Variants in FBXW7 observed in about 807,000 individuals in gnomAD.
The protein encoded by FBXW7 is F-box/WD repeat-containing protein 7.
In FBXW7, 11 loss-of-function variants were observed where a neutral mutation model predicts 86.3. The observed-to-expected ratio is 0.13, with a 90% CI of 0.08 to 0.21. The LOEUF (loss-of-function observed/expected upper bound fraction) is 0.21, where lower values mean the gene tolerates loss of function less well. FBXW7 is among the 10% of genes least tolerant of loss of function. The pLI, the probability that FBXW7 is intolerant of heterozygous loss-of-function variation, is 1.00. For synonymous variants in FBXW7, 313 were observed against 297.9 expected (o/e 1.05, Z -0.52); for missense variants, 488 against 847.4 (o/e 0.58, Z 5.27).
At chr4:152,443,188 G>C (rs1308845487) in intron 2 of FBXW7, among the ~76,000 whole-genome samples, 2 of 152,158 alleles carry the variant, frequency 1.3e-5, no homozygotes, top group Non-Finnish European at 2.9e-5. Flanking sequence ...CTTGAACCCG[G>C]GAGGCGGAGG....
rs975903720 is a variant in FBXW7, at chr4:152,535,402, G to A, written c.-488C>T. The A allele has an allele frequency of 3.1e-5, 12 of 386,592 alleles. No individual in the cohort carries two copies. The highest frequency in any genetic ancestry group is 1.8e-4 in the East Asian group (5 of 27,406). The allele number at this position is 386,592 out of a possible 1,614,324, so 23.9% of individuals were successfully genotyped here. On this transcript the variant is annotated 5_prime_UTR_variant, in exon 1 of 14. Transcript: ENST00000281708. Reference sequence around the variant, plus strand: ...GGAGAAGACCCCCGGAGGGGGCTGAGGGGAGGGGGAAGGTGAGGAAAGGAC... The same window carrying A: ...GGAGAAGACCCCCGGAGGGGGCTGAAGGGAGGGGGAAGGTGAGGAAAGGAC...
intron 4 of FBXW7, among the ~76,000 whole-genome samples, chr4:152,385,509 T>C (rs899694450): frequency 6.6e-6 from 1 of 151,982 alleles, no homozygotes; most frequent in Non-Finnish European, 1.5e-5. Context: ...AGATTTAGAA[T>C]TGAAAAGAAC....
intron 2 of FBXW7, among the ~76,000 whole-genome samples, chr4:152,444,053 CAT>C (rs1560904968): frequency 6.6e-6 from 1 of 152,134 alleles, no homozygotes; most frequent in African/African-American, 2.4e-5. Flanking sequence ...TCTCTACAAA[CAT>C]GTGCTTCTCT....
intron 2 of FBXW7, among the ~76,000 whole-genome samples, chr4:152,496,735 G>C (rs1390138278): frequency 6.6e-6 from 1 of 152,160 alleles, no homozygotes; most frequent in Admixed American, 6.5e-5. Flanking sequence ...CCAATGTAAA[G>C]GTGACAACTA....
chr4:152,435,983 G>A (rs949855097), intron 2 of FBXW7, among the ~76,000 whole-genome samples: 2 of 152,102 alleles, frequency 1.3e-5, no homozygotes, highest in East Asian at 3.9e-4. Flanking sequence ...AAAATGTTGT[G>A]TATTCTGACT....
chr4:152,437,169 G>A (rs1446948324), intron 2 of FBXW7, among the ~76,000 whole-genome samples: 1 of 152,192 alleles, frequency 6.6e-6, no homozygotes, highest in Non-Finnish European at 1.5e-5. Context: ...TTTCACAGAA[G>A]GAGGTCAAAA....
chr4:152,474,621 A>T (rs1038381704), intron 2 of FBXW7, among the ~76,000 whole-genome samples: 1 of 152,184 alleles, frequency 6.6e-6, no homozygotes, highest in African/African-American at 2.4e-5. Context: ...CCTTATACAG[A>T]ATTGAATCCT....
chr4:152,396,795 T>C (rs1278676585), intron 4 of FBXW7, among the ~76,000 whole-genome samples: 1 of 152,012 alleles, frequency 6.6e-6, no homozygotes, highest in African/African-American at 2.4e-5. Flanking sequence ...AAAATGGCAG[T>C]GATACAGAAA....
intron 2 of FBXW7, among the ~76,000 whole-genome samples, chr4:152,479,707 A>G (rs982502190): frequency 6.6e-5 from 10 of 152,132 alleles, no homozygotes; most frequent in African/African-American, 1.2e-4. Context: ...GCATTATATC[A>G]TAACAAAAGG....
At chr4:152,471,770 CA>C (rs998836259) in intron 2 of FBXW7, among the ~76,000 whole-genome samples, 2 of 152,042 alleles carry the variant, frequency 1.3e-5, no homozygotes, top group Admixed American at 6.6e-5. Context: ...TGTGGTGGCA[CA>C]TACCTGCAGT....
At chr4:152,463,866 A>G (rs933381939) in intron 2 of FBXW7, among the ~76,000 whole-genome samples, 1 of 152,248 alleles carries the variant, frequency 6.6e-6, no homozygotes, top group African/African-American at 2.4e-5. Flanking sequence ...TAAGTGGTAT[A>G]TAAAAGAAGA....
intron 6 of FBXW7, among the ~76,000 whole-genome samples, chr4:152,344,492 G>A (rs1731065855): frequency 1.3e-5 from 2 of 150,848 alleles, no homozygotes; most frequent in African/African-American, 2.4e-5. Context: ...CCTTTTACAG[G>A]ACCAAAAGCT....
At chr4:152,525,223 A>G (rs1749400843) in intron 2 of FBXW7, among the ~76,000 whole-genome samples, 1 of 152,208 alleles carries the variant, frequency 6.6e-6, no homozygotes. Flanking sequence ...AAACCCATCT[A>G]ATTTCTACAT....
intron 2 of FBXW7, among the ~76,000 whole-genome samples, chr4:152,529,113 G>A (rs75784079): frequency 0.016 from 2,433 of 152,214 alleles, 73 homozygotes; most frequent in African/African-American, 0.056. Flanking sequence ...TCCACTCAAA[G>A]TATCAACAAA....
chr4:152,435,745 A>T (rs972804873), intron 2 of FBXW7, among the ~76,000 whole-genome samples: 27 of 152,162 alleles, frequency 1.8e-4, no homozygotes, highest in Non-Finnish European at 3.5e-4. Flanking sequence ...ATATTTTTTT[A>T]AAAATTGGAA....
chr4:152,507,832 G>A (rs1747564950), intron 2 of FBXW7, among the ~76,000 whole-genome samples: 1 of 151,910 alleles, frequency 6.6e-6, no homozygotes, highest in African/African-American at 2.4e-5. Context: ...TGGGAGGACT[G>A]CTTGAGGCCA....
chr4:152,360,482 C>G (rs575998699), intron 4 of FBXW7, among the ~76,000 whole-genome samples: 1 of 152,150 alleles, frequency 6.6e-6, no homozygotes, highest in South Asian at 2.1e-4. Flanking sequence ...CGATTCTTGC[C>G]AACATGTGAC....
At chr4:152,483,369 T>C (rs1745058044) in intron 2 of FBXW7, among the ~76,000 whole-genome samples, 1 of 151,878 alleles carries the variant, frequency 6.6e-6, no homozygotes, top group African/African-American at 2.4e-5. Flanking sequence ...CAAATCTGTT[T>C]CCCTTTTTAG....
At chr4:152,332,153 C>T (rs1429333050) in intron 8 of FBXW7, among the ~76,000 whole-genome samples, 2 of 151,878 alleles carry the variant, frequency 1.3e-5, no homozygotes, top group African/African-American at 4.8e-5. Context: ...TACTCCTCTA[C>T]TAAGGAAAAA....
Sources: gnomAD v4.1 joint callset for allele counts (sites outside exome capture counted in the v4.1 genomes callset) on GRCh38, gnomAD v4.1.1 for gene constraint, MANE v1.5 for transcripts, NCBI Gene and HGNC (gene_info 2026-07-23, HGNC 2026-07-21) for gene names.